LPAR1: variants seen among roughly 807,000 people sequenced by gnomAD.
LPAR1 encodes lysophosphatidic acid receptor 1, also known as LPA receptor 1.
LPAR1 carries 5 observed loss-of-function variants against 23.8 expected under a neutral mutation model. The ratio of observed to expected loss-of-function variants is 0.21; its 90% confidence interval spans 0.11 to 0.44. The LOEUF (loss-of-function observed/expected upper bound fraction) is 0.44. Among genes scored for constraint, LPAR1 ranks in the 20% least tolerant of loss-of-function variants. LPAR1 has a pLI of 0.99. For missense variants in LPAR1, 311 were observed against 482.8 expected (o/e 0.64, Z 3.33); for synonymous variants, 160 against 164.7 (o/e 0.97, Z 0.22).
chr9:110,931,020 G>C (rs959095514), intron 5 of LPAR1, among the ~76,000 whole-genome samples: 1 of 152,096 alleles, frequency 6.6e-6, no homozygotes, highest in Non-Finnish European at 1.5e-5. Flanking sequence ...CCACTCTAAG[G>C]ATTTATACAA....
At chr9:110,927,751 T>TA (rs1206812751) in intron 5 of LPAR1, among the ~76,000 whole-genome samples, 1 of 152,120 alleles carries the variant, frequency 6.6e-6, no homozygotes, top group Non-Finnish European at 1.5e-5. Flanking sequence ...GTAGATGGTT[T>TA]AGTTACTGCA....
intron 2 of LPAR1, among the ~76,000 whole-genome samples, chr9:110,979,082 G>A (rs1284590333): frequency 6.6e-6 from 1 of 152,094 alleles, no homozygotes; most frequent in Non-Finnish European, 1.5e-5. Context: ...CAAGGGAGTG[G>A]ATGTTAACTG....
chr9:110,875,852 T>C, intron 5 of LPAR1, 130 bp from the exon 6 acceptor site: 2 of 488,468 alleles, frequency 4.1e-6, no homozygotes, highest in Non-Finnish European at 3.5e-6. Flanking sequence ...GCCACCATTG[T>C]CGCAAATGAA....
intron 2 of LPAR1, among the ~76,000 whole-genome samples, chr9:110,976,148 T>A (rs901656167): frequency 6.6e-6 from 1 of 152,046 alleles, no homozygotes; most frequent in Non-Finnish European, 1.5e-5. Flanking sequence ...AACCCCCGCC[T>A]TACCAGAGCC....
chr9:110,930,122 G>A (rs990439671), intron 5 of LPAR1, among the ~76,000 whole-genome samples: 1 of 152,194 alleles, frequency 6.6e-6, no homozygotes, highest in African/African-American at 2.4e-5. Flanking sequence ...AGGTATAGGT[G>A]TCGACTTTTC....
At chr9:110,999,483 T>G (rs1229590073) in intron 2 of LPAR1, 6 of 455,196 alleles carry the variant, frequency 1.3e-5, no homozygotes, top group Non-Finnish European at 2.6e-5. Flanking sequence ...ACCAGACAGC[T>G]ATCCACTTGT....
At chr9:110,971,197 G>A (rs145808827) in intron 4 of LPAR1, among the ~76,000 whole-genome samples, 114 of 152,038 alleles carry the variant, frequency 7.5e-4, no homozygotes, top group Non-Finnish European at 1.5e-3. Context: ...AAGAAAGGAG[G>A]TCACACTATA....
chr9:110,934,866 G>GGA (rs1188307834), intron 5 of LPAR1, among the ~76,000 whole-genome samples: 1 of 151,386 alleles, frequency 6.6e-6, no homozygotes, highest in Admixed American at 6.6e-5. Flanking sequence ...AGAGAGGAGA[G>GGA]GAGAGAGAGA....
chr9:110,972,202 G>T lies in LPAR1; in HGVS notation c.-85C>A. The T allele has an allele frequency of 8.5e-7, 1 of 1,176,022 alleles. No individual in the cohort carries two copies. Among genetic ancestry groups the T allele is most frequent in the Non-Finnish European group, 1.3e-6 (1 of 783,604 alleles). The allele number at this position is 1,176,022 out of a possible 1,614,324, so 72.8% of individuals were successfully genotyped here. A position where few individuals can be genotyped will look rare whatever the true frequency, so the allele number is the denominator to read the frequency against. ...TGTTTGCTGATCAGATCGAAGTCAT[G>T]CTAGGAGAAGCTGTGTACCTGGAAA... On this transcript the variant is annotated 5_prime_UTR_variant, in exon 4 of 6. Transcript: ENST00000683809.
At chr9:111,035,867 T>C (rs1192380430) in intron 2 of LPAR1, among the ~76,000 whole-genome samples, 1 of 152,204 alleles carries the variant, frequency 6.6e-6, no homozygotes, top group South Asian at 2.1e-4. Flanking sequence ...CAACTTTCCA[T>C]ACTAAGCATT....
At chr9:111,032,542 G>A (rs2097819579) in intron 2 of LPAR1, among the ~76,000 whole-genome samples, 1 of 152,004 alleles carries the variant, frequency 6.6e-6, no homozygotes, top group Non-Finnish European at 1.5e-5. Flanking sequence ...TCCTGAGATG[G>A]GGGGAAAAAA....
chr9:110,946,015 T>C (rs559345430), intron 4 of LPAR1, among the ~76,000 whole-genome samples: 3 of 152,276 alleles, frequency 2.0e-5, no homozygotes, highest in Admixed American at 6.5e-5. Flanking sequence ...GAGGATTAAG[T>C]AATGGATATC....
chr9:111,009,870 C>A (rs186510420), intron 2 of LPAR1, among the ~76,000 whole-genome samples: 410 of 151,220 alleles, frequency 2.7e-3, no homozygotes, highest in African/African-American at 9.6e-3. Context: ...TACTTACAAA[C>A]ACTAATAGAG....
intron 4 of LPAR1, among the ~76,000 whole-genome samples, chr9:110,964,274 T>A (rs1431579982): frequency 6.8e-6 from 1 of 147,862 alleles, no homozygotes; most frequent in Non-Finnish European, 1.5e-5. Context: ...AGTAAACTGA[T>A]CTAATCAATG....
chr9:110,913,806 T>C (rs10817110), intron 5 of LPAR1, among the ~76,000 whole-genome samples: 43,482 of 152,020 alleles, frequency 0.29, 6,764 homozygotes, highest in South Asian at 0.36. Context: ...ATTTAAATTG[T>C]TGAGTAGGAA....
Position 110,875,313 on chromosome 9 carries a change from A to G in LPAR1, c.*108T>C. On this transcript the variant is annotated 3_prime_UTR_variant, in exon 6 of 6. Coordinates refer to ENST00000683809, the MANE Select transcript of LPAR1 (RefSeq NM_001351411.2). Reference sequence around the variant, plus strand: ...TCATTGGTTAGTGTTTAAGTACATGAGTTGACTTTTCTCCTCTCTCACACC... The same window carrying G: ...TCATTGGTTAGTGTTTAAGTACATGGGTTGACTTTTCTCCTCTCTCACACC... 1.2e-6 allele frequency: 1 copy of G among 850,060 alleles called. No individual in the cohort carries two copies. Among genetic ancestry groups the G allele is most frequent in the Non-Finnish European group, 1.8e-6 (1 of 555,012 alleles). 52.7% of individuals were successfully genotyped at this position (850,060 alleles called of 1,614,324 possible).
intron 5 of LPAR1, among the ~76,000 whole-genome samples, chr9:110,901,948 C>G (rs2089258299): frequency 6.6e-6 from 1 of 152,070 alleles, no homozygotes; most frequent in Non-Finnish European, 1.5e-5. Context: ...CTGGACTGGA[C>G]AAGATGGTAC....
At chr9:111,015,075 G>A (rs528435209) in intron 2 of LPAR1, among the ~76,000 whole-genome samples, 6 of 152,200 alleles carry the variant, frequency 3.9e-5, no homozygotes, top group East Asian at 3.9e-4. Context: ...ATGAAGACAC[G>A]GGGAGGAGAC....
chr9:110,967,683 A>C (rs2096269570), intron 4 of LPAR1, among the ~76,000 whole-genome samples: 1 of 152,224 alleles, frequency 6.6e-6, no homozygotes, highest in African/African-American at 2.4e-5. Flanking sequence ...GCCTAAGAAG[A>C]TGCTATATCT....
Sources: allele counts gnomAD v4.1 joint callset (sites outside exome capture counted in the v4.1 genomes callset), GRCh38; gene constraint gnomAD v4.1.1; transcripts MANE v1.5; gene names NCBI Gene and HGNC (gene_info 2026-07-23, HGNC 2026-07-21).